The following PCDHGB7 variants were observed in gnomAD, a reference collection of about 807,000 sequenced individuals.
PCDHGB7 encodes protocadherin gamma subfamily B, 7.
A neutral mutation model predicts 61.4 loss-of-function variants in PCDHGB7; 37 were observed. The observed-to-expected ratio is 0.60, with a 90% CI of 0.46 to 0.79. PCDHGB7 has a LOEUF of 0.79. Among genes scored for constraint, PCDHGB7 ranks in the 30% least tolerant of loss-of-function variants. The pLI, the probability that PCDHGB7 is intolerant of heterozygous loss-of-function variation, is 0.00. For missense variants in PCDHGB7, 1,166 were observed against 1,202.5 expected (o/e 0.97, Z 0.45); for synonymous variants, 464 against 503.5 (o/e 0.92, Z 1.05).
Position 141,420,076 on chromosome 5 carries a change from T to C in PCDHGB7, c.2217T>C (p.Gly739=), listed in dbSNP as rs764381539. 53 of 1,613,956 alleles carry C rather than the reference T, an allele frequency of 3.3e-5. No homozygotes were observed. The highest frequency in any genetic ancestry group is 4.5e-5 in the Non-Finnish European group (53 of 1,179,878). The part of the protein sequence containing the change: ...SVLCSKSGPV[G]PPNYSEGTLP... ...TCTGCTCCAAGTCCGGACCTGTGGG[T>C]CCCCCCAACTACAGTGAGGGAACGT... The change falls in exon 1 of 4, where the codon GGT becomes GGC. Residue 739 remains glycine (G), a synonymous_variant. Transcript: ENST00000398594.
chr5:141,507,661 C>T (rs1328943034), intron 3 of PCDHGB7, among the ~76,000 whole-genome samples: 1 of 152,236 alleles, frequency 6.6e-6, no homozygotes, highest in Non-Finnish European at 1.5e-5. Context: ...GCTTTTTAGC[C>T]TAAATCCAGA....
chr5:141,475,384 A>T (rs2099362853), intron 1 of PCDHGB7, among the ~76,000 whole-genome samples: 1 of 152,370 alleles, frequency 6.6e-6, no homozygotes, highest in East Asian at 1.9e-4. Flanking sequence ...TTTAAATTTT[A>T]TAAGCCAGAG....
intron 2 of PCDHGB7, among the ~76,000 whole-genome samples, chr5:141,500,254 G>A (rs1260325865): frequency 1.3e-5 from 2 of 150,426 alleles, no homozygotes; most frequent in Non-Finnish European, 3.0e-5. Context: ...TGTCACCCAG[G>A]CTGGACTGCA....
Position 141,494,770 on chromosome 5 carries a change from C to T in PCDHGB7, c.2416-37C>T, listed in dbSNP as rs767006872. 43 of 1,614,022 alleles carry T rather than the reference C, an allele frequency of 2.7e-5. No homozygotes were observed. In the East Asian group the frequency reaches 7.6e-4, roughly 28 times the overall value. On this transcript the variant is annotated intron_variant, in intron 1 of 3. Coordinates refer to ENST00000398594, the MANE Select transcript of PCDHGB7 (RefSeq NM_018927.4). ...GCTCGGGTGACATTCTAACTTCTCA[C>T]GGGTACTCAGCCCCTTTCCCTCTGT...
In PCDHGB7 at chr5:141,486,017, A is replaced by G. The variant is rs746747518; in HGVS notation, c.2416-8790A>G. On this transcript the variant is annotated intron_variant, in intron 1 of 3. Transcript: ENST00000398594. The surrounding 1 kb of genome is among the most constrained non-coding windows in gnomAD (Gnocchi z 5.0). ...CAGTGGTAACGTCACCTTTTATTTC[A>G]GTGGTCATACCCCTGATCGTGTAAG... The G allele has an allele frequency of 6.2e-7, 1 of 1,614,176 alleles. No homozygotes were observed. The highest frequency in any genetic ancestry group is 1.7e-5 in the Admixed American group (1 of 60,026).
At chr5:141,438,741 A>T (rs1184994731) in intron 1 of PCDHGB7, among the ~76,000 whole-genome samples, 3 of 148,914 alleles carry the variant, frequency 2.0e-5, no homozygotes, top group South Asian at 2.1e-4. Context: ...AGCTCACTGC[A>T]ACCTCTGCCT....
At position 141,485,229 on chromosome 5, in the gene PCDHGB7, TC is replaced by T; in HGVS notation, c.2416-9576del. On this transcript the variant is annotated intron_variant, in intron 1 of 3. Transcript: ENST00000398594. The surrounding 1 kb of genome is among the most constrained non-coding windows in gnomAD (Gnocchi z 5.7). ...ATCTGGCGGTGGGCTACCCTTTTGT[TC>T]CTCTTTTACCACCTGGGTTACGTTT... 6.2e-7 allele frequency: 1 copy of T among 1,614,160 alleles called. No homozygotes were observed. The highest frequency in any genetic ancestry group is 8.5e-7 in the Non-Finnish European group (1 of 1,180,022).
rs182682202 is a variant in PCDHGB7 at position 141,445,418 on chromosome 5, T to A, written c.2415+25144T>A. Among the ~76,000 whole-genome samples the A allele has an allele frequency of 2.2e-3, 335 of 152,310 alleles. 1 individual carries two copies. Among genetic ancestry groups the A allele is most frequent in the Middle Eastern group, 0.01 (3 of 294 alleles). Reference sequence around the variant, plus strand: ...ACAAATATTTATTAACTGTCTGCTATATGCAAGGCACTGACCTATGGACTA... The same window carrying A: ...ACAAATATTTATTAACTGTCTGCTAAATGCAAGGCACTGACCTATGGACTA... On this transcript the variant is annotated intron_variant, in intron 1 of 3. Transcript: ENST00000398594.
Position 141,485,920 on chromosome 5 carries a change from T to C in PCDHGB7, c.2416-8887T>C, listed in dbSNP as rs1374948804. ...CCTTCCAGCAATCCAGCTACAGGAT[T>C]AGTGTGTTGGAGAGCGCACCAGCGG... On this transcript the variant is annotated intron_variant, in intron 1 of 3. Transcript: ENST00000398594. This position sits in a 1 kb window ranked among gnomAD's most constrained non-coding sequence, Gnocchi z 5.7. 1.2e-6 allele frequency: 2 copies of C among 1,614,038 alleles called. No individual in the cohort carries two copies. Among genetic ancestry groups the C allele is most frequent in the Non-Finnish European group, 1.7e-6 (2 of 1,180,010 alleles).
chr5:141,425,394 G>C (rs186813737), intron 1 of PCDHGB7, among the ~76,000 whole-genome samples: 2 of 152,184 alleles, frequency 1.3e-5, no homozygotes, highest in Non-Finnish European at 2.9e-5. Context: ...TAGTGATAAA[G>C]TTCTGTTAAG....
rs1260025037 is a variant in PCDHGB7 at position 141,417,963 on chromosome 5, A to T, written c.104A>T (p.Tyr35Phe). 1 of 1,613,258 alleles carries T rather than the reference A, an allele frequency of 6.2e-7. No homozygotes were observed. Among genetic ancestry groups the T allele is most frequent in the Non-Finnish European group, 8.5e-7 (1 of 1,179,610 alleles). Residue 35 changes from tyrosine (Y) to phenylalanine (F), a missense_variant, in exon 1 of 4, where the codon TAC becomes TTC. Tyr to Phe is a conservative substitution (Grantham distance 22). Transcript: ENST00000398594. Reference protein sequence around the residue: ...FYPTLCEPIRYSIPEELAKGS... With the variant: ...FYPTLCEPIRFSIPEELAKGS... ...CCCACGCTGTGTGAGCCGATCCGCT[A>T]CTCGATTCCGGAGGAGCTGGCCAAG...
In PCDHGB7 at chr5:141,464,280, A is replaced by C. The variant is rs934753450; in HGVS notation, c.2416-30527A>C. Among the ~76,000 whole-genome samples, 148 of 75,930 alleles carry C rather than the reference A, an allele frequency of 1.9e-3. 1 individual carries two copies. Among genetic ancestry groups the C allele is most frequent in the African/African-American group, 0.011 (146 of 12,968 alleles). 49.8% of individuals were successfully genotyped at this position (75,930 alleles called of 152,430 possible). Reference sequence around the variant, plus strand: ...ACTCCGTCTAAAAAAAAAAAAAAGCAAAAAAAAAAACTCCATTGTATGTGC... The same window carrying C: ...ACTCCGTCTAAAAAAAAAAAAAAGCCAAAAAAAAAACTCCATTGTATGTGC... On this transcript the variant is annotated intron_variant, in intron 1 of 3. Transcript: ENST00000398594.
chr5:141,488,040 G>A (rs1212272063), intron 1 of PCDHGB7, among the ~76,000 whole-genome samples: 1 of 152,112 alleles, frequency 6.6e-6, no homozygotes, highest in Non-Finnish European at 1.5e-5. Flanking sequence ...CATTTCCCAA[G>A]GGATTGAGGG....
chr5:141,454,142 C>T (rs2098782408), intron 1 of PCDHGB7, among the ~76,000 whole-genome samples: 1 of 152,222 alleles, frequency 6.6e-6, no homozygotes, highest in Non-Finnish European at 1.5e-5. Context: ...GGAATGTTCA[C>T]ACTGCTACTT....
intron 1 of PCDHGB7, chr5:141,478,790 C>T: frequency 6.8e-7 from 1 of 1,472,906 alleles, no homozygotes. Flanking sequence ...AATTCACATC[C>T]TCAGCACTCT....
In PCDHGB7 at chr5:141,491,607, T is replaced by G; in HGVS notation, c.2416-3200T>G. On this transcript the variant is annotated intron_variant, in intron 1 of 3. Coordinates refer to ENST00000398594, the MANE Select transcript of PCDHGB7 (RefSeq NM_018927.4). The surrounding 1 kb of genome is among the most constrained non-coding windows in gnomAD (Gnocchi z 6.9). ...CCTCGGACGGCAGTGACTTCACTTT[T>G]CTAAGACCCCTCAGCGTTCAGCAGC... 6.2e-7 allele frequency: 1 copy of G among 1,613,932 alleles called. No homozygotes were observed. The highest frequency in any genetic ancestry group is 1.1e-5 in the South Asian group (1 of 91,084).
At chr5:141,450,134 G>A (rs1267554616) in intron 1 of PCDHGB7, among the ~76,000 whole-genome samples, 1 of 151,424 alleles carries the variant, frequency 6.6e-6, no homozygotes, top group East Asian at 2.0e-4. Context: ...AGCCTCCTGA[G>A]TAGCTGGGAC....
At position 141,486,447 on chromosome 5, in the gene PCDHGB7, T is replaced by A. The variant is rs1452869378; in HGVS notation, c.2416-8360T>A. 6.2e-7 allele frequency: 1 copy of A among 1,614,058 alleles called. No individual in the cohort carries two copies. The highest frequency in any genetic ancestry group is 1.7e-5 in the Admixed American group (1 of 60,012). On this transcript the variant is annotated intron_variant, in intron 1 of 3. Coordinates refer to ENST00000398594, the MANE Select transcript of PCDHGB7 (RefSeq NM_018927.4). This position sits in a 1 kb window ranked among gnomAD's most constrained non-coding sequence, Gnocchi z 5.0. Reference sequence around the variant, plus strand: ...GCCAAATCTAGCTATGACATCATGGTCACTGCTTCTGATGCTGGGAACCCT... The same window carrying A: ...GCCAAATCTAGCTATGACATCATGGACACTGCTTCTGATGCTGGGAACCCT...
intron 2 of PCDHGB7, among the ~76,000 whole-genome samples, chr5:141,497,643 G>A (rs773129390): frequency 6.6e-6 from 1 of 151,192 alleles, no homozygotes; most frequent in African/African-American, 2.4e-5. Context: ...AGGTTCAAGC[G>A]ATTCTCCTGC....
Sources: gnomAD v4.1 joint callset for allele counts (sites outside exome capture counted in the v4.1 genomes callset) on GRCh38, gnomAD v4.1.1 for gene constraint, Gnocchi (gnomAD v3.1) non-coding constraint, MANE v1.5 for transcripts, NCBI Gene and HGNC (gene_info 2026-07-23, HGNC 2026-07-21) for gene names.